The following CHRDL2 variants were observed in gnomAD, a reference collection of about 807,000 sequenced individuals.
CHRDL2 encodes the protein chordin like 2, also known as chordin-like protein 2.
CHRDL2 carries 41 observed loss-of-function variants against 54.3 expected under a neutral mutation model. That is an observed-to-expected ratio of 0.76 (90% CI 0.59 to 0.98). The LOEUF (loss-of-function observed/expected upper bound fraction) is 0.98, where lower values mean the gene tolerates loss of function less well. Among genes scored for constraint, CHRDL2 ranks in the 50% least tolerant of loss-of-function variants. The pLI is 0.00. For missense variants in CHRDL2, 518 were observed against 562.4 expected, an observed-to-expected ratio of 0.92 and a Z score of 0.80; for synonymous variants, 220 against 224.3, an observed-to-expected ratio of 0.98 and a Z score of 0.17.
chr11:74,710,988 G>A lies in CHRDL2; in HGVS notation c.293C>T (p.Pro98Leu), dbSNP rs756068313. 1 of 1,612,328 alleles carries A rather than the reference G, an allele frequency of 6.2e-7. No homozygotes were observed. Among genetic ancestry groups the A allele is most frequent in the Non-Finnish European group, 8.5e-7 (1 of 1,179,012 alleles). ...GGCCCGGAGTCCAGAGGGAGTGTGA[G>A]GTTCTGCAGTGGGGGAGGGGCAGGA... The part of the protein sequence containing the change: ...PQQCCPKCVE[P>L]HTPSGLRAPP... Residue 98 changes from proline to leucine, a missense_variant, in exon 4 of 11, where the codon CCT becomes CTT. Physicochemically the swap from Pro to Leu is moderately conservative, Grantham distance 98. Coordinates refer to ENST00000376332, the MANE Select transcript of CHRDL2 (RefSeq NM_001278473.3).
intron 8 of CHRDL2, 74 bp from the exon 9 acceptor site, chr11:74,703,041 A>G (rs543407227): frequency 4.9e-5 from 69 of 1,415,850 alleles, no homozygotes; most frequent in Non-Finnish European, 6.2e-5. Flanking sequence ...ATATTCTAAA[A>G]TGTTGTGACT....
chr11:74,706,580 C>CCCCA (rs2034018506), intron 5 of CHRDL2, 38 bp from the exon 6 acceptor site: 1 of 1,607,352 alleles, frequency 6.2e-7, no homozygotes, highest in Non-Finnish European at 8.5e-7. Context: ...GCCTCAGGCT[C>CCCCA]CCCAGCCTTG....
intron 9 of CHRDL2, chr11:74,697,572 C>T: frequency 1.8e-6 from 1 of 550,258 alleles, no homozygotes; most frequent in Non-Finnish European, 3.4e-6. Context: ...GCAATCCTAG[C>T]TCTGGTCATT....
At chr11:74,715,593 A>C (rs2034326676) in intron 2 of CHRDL2, among the ~76,000 whole-genome samples, 1 of 150,792 alleles carries the variant, frequency 6.6e-6, no homozygotes, top group Non-Finnish European at 1.5e-5. Context: ...ACAGAGCGAG[A>C]CTCCAACTCA....
chr11:74,714,856 G>T (rs1169745208), intron 2 of CHRDL2, among the ~76,000 whole-genome samples: 1 of 152,192 alleles, frequency 6.6e-6, no homozygotes, highest in Admixed American at 6.5e-5. Context: ...GCAGGAAACA[G>T]GATGGAGACA....
chr11:74,702,090 C>CAA lies in CHRDL2; in HGVS notation c.1120+702_1120+703dup, dbSNP rs113100895. On this transcript the variant is annotated intron_variant, in intron 9 of 10. Coordinates refer to ENST00000376332, the MANE Select transcript of CHRDL2 (RefSeq NM_001278473.3). ...GCAACATGGCAAAACCCCATCTCTACAAAAAAAATACAAAAATTAGCTGGG... is the reference window on the plus strand; with the variant it reads ...GCAACATGGCAAAACCCCATCTCTACAAAAAAAAAATACAAAAATTAGCTGGG... Among the ~76,000 whole-genome samples, 656 of 151,460 alleles carry CAA rather than the reference C, an allele frequency of 4.3e-3. 10 individuals carry two copies. Among genetic ancestry groups the CAA allele is most frequent in the African/African-American group, 0.015 (614 of 41,304 alleles).
chr11:74,697,267 A>C lies in CHRDL2; in HGVS notation c.1151T>G (p.Val384Gly). 2.5e-6 allele frequency: 4 copies of C among 1,614,010 alleles called. No homozygotes were observed. The highest frequency in any genetic ancestry group is 3.4e-6 in the Non-Finnish European group (4 of 1,180,016). Residue 384 changes from valine to glycine, a missense_variant, in exon 10 of 11, where the codon GTC becomes GGC. Val to Gly is a moderately radical substitution (Grantham distance 109, BLOSUM62 -3). Coordinates refer to ENST00000376332, the MANE Select transcript of CHRDL2 (RefSeq NM_001278473.3). ...GIFHLTQIKK[V>G]RKQDFQKEAQ... ...CTCTTTCTGGAAGTCTTGCTTCCTG[A>C]CTTTCTTGATCTGAGTCAAGTGGAA...
intron 5 of CHRDL2, among the ~76,000 whole-genome samples, chr11:74,707,794 C>T (rs922098822): frequency 6.6e-6 from 1 of 152,092 alleles, no homozygotes; most frequent in Admixed American, 6.5e-5. Context: ...CCTGCGCCCA[C>T]TCCTTACCCC....
intron 4 of CHRDL2, among the ~76,000 whole-genome samples, chr11:74,710,130 GGC>G (rs2034138773): frequency 2.0e-5 from 3 of 151,816 alleles, no homozygotes; most frequent in Admixed American, 2.0e-4. Context: ...GCAGGAGAAT[GGC>G]ATGAACCCGG....
Position 74,717,117 on chromosome 11 carries a change from A to C in CHRDL2, c.195+1603T>G, listed in dbSNP as rs528218764. ...TCAAACAAACAAACAAACAAAAAAA[A>C]AAAACCATTCTCACTGCCGCGTGGA... On this transcript the variant is annotated intron_variant, in intron 2 of 10. Transcript: ENST00000376332. Among the ~76,000 whole-genome samples, 568 of 142,542 alleles carry C rather than the reference A, an allele frequency of 4.0e-3. 6 individuals are homozygous for C. The Middle Eastern group carries it at 0.045, about 11-fold the overall frequency. The allele number at this position is 142,542 out of a possible 152,430, so 93.5% of individuals were successfully genotyped here. A position where few individuals can be genotyped will look rare whatever the true frequency, so the allele number is the denominator to read the frequency against.
At chr11:74,700,042 C>G (rs568104104) in intron 9 of CHRDL2, among the ~76,000 whole-genome samples, 1 of 152,372 alleles carries the variant, frequency 6.6e-6, no homozygotes, top group Admixed American at 6.5e-5. Context: ...GCCATCCTCC[C>G]TAAAAGCACG....
chr11:74,708,206 G>T (rs967462377), intron 5 of CHRDL2, 96 bp downstream of exon 5: 24 of 801,568 alleles, frequency 3.0e-5, no homozygotes, highest in Non-Finnish European at 5.5e-6. Context: ...TACATGCTGG[G>T]TGTCACCTGC....
intron 2 of CHRDL2, among the ~76,000 whole-genome samples, chr11:74,717,814 C>T (rs748822079): frequency 1.3e-5 from 2 of 152,066 alleles, no homozygotes; most frequent in East Asian, 1.9e-4. Flanking sequence ...ACCCCTCCCT[C>T]CAAGCACCAA....
chr11:74,706,813 G>T lies in CHRDL2; in HGVS notation c.527-271C>A, dbSNP rs539341503. ...TGACCTCCTGGTAACCATTAGGACT[G>T]AAGTCCTTGAAACAGAGCATCTTGT... On this transcript the variant is annotated intron_variant, in intron 5 of 10. Coordinates refer to ENST00000376332, the MANE Select transcript of CHRDL2 (RefSeq NM_001278473.3). Among the ~76,000 whole-genome samples the T allele has an allele frequency of 1.2e-4, 19 of 152,306 alleles. 1 individual carries two copies. In the South Asian group the frequency reaches 3.9e-3, roughly 32 times the overall value.
At chr11:74,701,395 C>T in intron 9 of CHRDL2, 1 of 505,410 alleles carries the variant, frequency 2.0e-6, no homozygotes, top group Non-Finnish European at 3.6e-6. Context: ...ACTCAGAACA[C>T]AGCTGCTCCC....
chr11:74,708,542 C>A, intron 4 of CHRDL2, 147 bp from the exon 5 acceptor site: 1 of 604,494 alleles, frequency 1.7e-6, no homozygotes, highest in Non-Finnish European at 2.8e-6. Context: ...ACAGCAAGGC[C>A]CGGCCAGCTC....
rs1033245383 is a variant in CHRDL2 at position 74,729,821 on chromosome 11, C to T, written c.82+986G>A. On this transcript the variant is annotated intron_variant, in intron 1 of 10. Transcript: ENST00000376332. Reference sequence around the variant, plus strand: ...GTGGTTTGGTTTTCCATCCTCACAGCATTCTAAGAGATTGGCTGGGCATGG... The same window carrying T: ...GTGGTTTGGTTTTCCATCCTCACAGTATTCTAAGAGATTGGCTGGGCATGG... 3.9e-5 allele frequency among the ~76,000 whole-genome samples: 6 copies of T among 152,192 alleles called. No homozygotes were observed. The East Asian group carries it at 1.2e-3, about 29-fold the overall frequency.
intron 1 of CHRDL2, among the ~76,000 whole-genome samples, chr11:74,719,982 C>T (rs2034467072): frequency 6.6e-6 from 1 of 152,098 alleles, no homozygotes; most frequent in Admixed American, 6.5e-5. Context: ...TTCACGCCAG[C>T]AGGGAAAAAC....
intron 1 of CHRDL2, among the ~76,000 whole-genome samples, chr11:74,725,237 C>T (rs906547937): frequency 5.9e-5 from 9 of 152,168 alleles, no homozygotes; most frequent in African/African-American, 1.2e-4. Flanking sequence ...GTGATCCACC[C>T]GCCAGGGCCT....
Sources: allele counts gnomAD v4.1 joint callset (sites outside exome capture counted in the v4.1 genomes callset), GRCh38; gene constraint gnomAD v4.1.1; transcripts MANE v1.5; gene names NCBI Gene and HGNC (gene_info 2026-07-23, HGNC 2026-07-21).